Variants in RGS7 observed in about 807,000 individuals in gnomAD.
The protein encoded by RGS7 is regulator of G-protein signaling 7.
RGS7 carries 27 observed loss-of-function variants against 81.1 expected under a neutral mutation model. The ratio of observed to expected loss-of-function variants is 0.33; its 90% confidence interval spans 0.25 to 0.46. The LOEUF (loss-of-function observed/expected upper bound fraction) is 0.46. Among genes scored for constraint, RGS7 ranks in the 20% least tolerant of loss-of-function variants. RGS7 has a pLI of 1.00. For synonymous variants in RGS7, 208 were observed against 207.7 expected (o/e 1.00, Z -0.01); for missense variants, 396 against 607.4 (o/e 0.65, Z 3.66).
intron 2 of RGS7, among the ~76,000 whole-genome samples, chr1:241,240,069 T>C (rs1204120094): frequency 6.6e-6 from 1 of 152,072 alleles, no homozygotes; most frequent in Non-Finnish European, 1.5e-5. Context: ...GGAGGTCAAA[T>C]AGTCCAGTCT....
chr1:241,312,474 C>G (rs916091218), intron 2 of RGS7, among the ~76,000 whole-genome samples: 1 of 152,084 alleles, frequency 6.6e-6, no homozygotes, highest in African/African-American at 2.4e-5. Context: ...GTAATTCTTC[C>G]CACAGTGTTT....
At position 241,088,017 on chromosome 1, in the gene RGS7, TACACACAC is replaced by T. The variant is rs1201357772; in HGVS notation, c.175+10641_175+10648del. ...ATATACACACACACACATATATATA[TACACACAC>T]ACATATATATATACACACATATATA... On this transcript the variant is annotated intron_variant, in intron 3 of 18. Transcript: ENST00000440928. Among the ~76,000 whole-genome samples the T allele has an allele frequency of 5.4e-4, 62 of 115,540 alleles. 1 individual carries two copies. In the Middle Eastern group the frequency reaches 0.013, roughly 25 times the overall value. 75.8% of individuals were successfully genotyped at this position (115,540 alleles called of 152,430 possible). A position where few individuals can be genotyped will look rare whatever the true frequency, so the allele number is the denominator to read the frequency against.
chr1:241,349,368 A>G (rs760034207), intron 2 of RGS7, among the ~76,000 whole-genome samples: 1 of 152,226 alleles, frequency 6.6e-6, no homozygotes, highest in Non-Finnish European at 1.5e-5. Flanking sequence ...TTAGGAACCC[A>G]GCTAATTTCA....
At chr1:241,089,063 C>CTCTCTCTATATATATA (rs1374552672) in intron 3 of RGS7, among the ~76,000 whole-genome samples, 3 of 23,686 alleles carry the variant, frequency 1.3e-4, no homozygotes, top group African/African-American at 2.3e-4. Flanking sequence ...CTCTCTCTCT[C>CTCTCTCTATATATATA]TATATATATA....
Position 241,239,705 on chromosome 1 carries a change from C to T in RGS7, c.78+115994G>A, listed in dbSNP as rs142533244. On this transcript the variant is annotated intron_variant, in intron 2 of 18. Coordinates refer to ENST00000440928, the MANE Select transcript of RGS7 (RefSeq NM_001364886.1). Reference sequence around the variant, plus strand: ...CTCAAGGTTCTCAAGGGAACAGTGGCGACAGCAGCAAACGGGACATGTCAG... The same window carrying T: ...CTCAAGGTTCTCAAGGGAACAGTGGTGACAGCAGCAAACGGGACATGTCAG... 1.2e-3 allele frequency among the ~76,000 whole-genome samples: 182 copies of T among 152,238 alleles called. 1 individual carries two copies. Among genetic ancestry groups the T allele is most frequent in the Non-Finnish European group, 2.2e-3 (149 of 68,020 alleles).
chr1:241,135,005 C>G (rs4570413), intron 2 of RGS7, among the ~76,000 whole-genome samples: 67,144 of 151,822 alleles, frequency 0.44, 18,399 homozygotes, highest in South Asian at 0.63. Flanking sequence ...CGTCCGGGTA[C>G]TACGTAGCAG....
chr1:241,248,322 C>G (rs1398301098), intron 2 of RGS7, among the ~76,000 whole-genome samples: 2 of 148,226 alleles, frequency 1.3e-5, no homozygotes, highest in Non-Finnish European at 3.0e-5. Flanking sequence ...GTGCAGAATC[C>G]TATGGCTGGG....
intron 2 of RGS7, among the ~76,000 whole-genome samples, chr1:241,292,885 C>G (rs2079167059): frequency 6.6e-6 from 1 of 152,188 alleles, no homozygotes; most frequent in South Asian, 2.1e-4. Context: ...ATTTACGACA[C>G]AAATCAGAAG....
chr1:240,879,883 C>G (rs569258919), intron 6 of RGS7, among the ~76,000 whole-genome samples: 55 of 152,154 alleles, frequency 3.6e-4, no homozygotes, highest in African/African-American at 1.2e-3. Flanking sequence ...ATTTTTATCA[C>G]AATTATTTAG....
chr1:241,087,239 A>AT (rs1302286854), intron 3 of RGS7, among the ~76,000 whole-genome samples: 1 of 152,242 alleles, frequency 6.6e-6, no homozygotes, highest in East Asian at 1.9e-4. Context: ...ACAAGGGAGT[A>AT]ATGCCTAGGT....
chr1:241,072,588 C>A (rs115634881), intron 3 of RGS7, among the ~76,000 whole-genome samples: 1 of 152,264 alleles, frequency 6.6e-6, no homozygotes, highest in African/African-American at 2.4e-5. Flanking sequence ...GTGGCTCACT[C>A]CCTGTGATGC....
intron 9 of RGS7, among the ~76,000 whole-genome samples, chr1:240,866,313 C>T (rs1277669664): frequency 6.6e-6 from 1 of 151,868 alleles, no homozygotes; most frequent in African/African-American, 2.4e-5. Context: ...AGATCGAGAT[C>T]ATCCTTGCTA....
At chr1:241,127,277 C>A (rs1241512084) in intron 2 of RGS7, among the ~76,000 whole-genome samples, 1 of 152,086 alleles carries the variant, frequency 6.6e-6, no homozygotes, top group Non-Finnish European at 1.5e-5. Context: ...AGCTCACATA[C>A]AACAATATAA....
In RGS7 at chr1:240,813,131, A is replaced by G. The variant is rs552099345; in HGVS notation, c.956+487T>C. Among the ~76,000 whole-genome samples the G allele has an allele frequency of 7.9e-5, 12 of 152,330 alleles. No homozygotes were observed. The East Asian group carries it at 2.3e-3, about 29-fold the overall frequency. ...AGATAGCTCATGAAAGAAACTATGG[A>G]GTCCTAAGTGGTGCTTTGCTTTTCT... On this transcript the variant is annotated intron_variant, in intron 13 of 18. Coordinates refer to ENST00000440928, the MANE Select transcript of RGS7 (RefSeq NM_001364886.1).
intron 3 of RGS7, among the ~76,000 whole-genome samples, chr1:241,013,933 A>G (rs915027167): frequency 6.6e-6 from 1 of 152,246 alleles, no homozygotes; most frequent in Admixed American, 6.5e-5. Flanking sequence ...TTTCAGTTTG[A>G]TAATGTAATT....
At chr1:240,781,131 T>C (rs943213139) in intron 18 of RGS7, among the ~76,000 whole-genome samples, 4 of 152,144 alleles carry the variant, frequency 2.6e-5, no homozygotes, top group Non-Finnish European at 5.9e-5. Context: ...TGATATGGAC[T>C]TCATTAAAAA....
intron 3 of RGS7, among the ~76,000 whole-genome samples, chr1:240,990,366 A>G (rs567728575): frequency 2.0e-5 from 3 of 152,330 alleles, no homozygotes; most frequent in South Asian, 4.1e-4. Flanking sequence ...CGAATATGTT[A>G]TTCTGCCTTG....
chr1:241,153,380 CATATT>C (rs1413583700), intron 2 of RGS7, among the ~76,000 whole-genome samples: 2 of 151,622 alleles, frequency 1.3e-5, no homozygotes, highest in African/African-American at 4.9e-5. Context: ...ACATGAGAAT[CATATT>C]ATAACACATA....
At chr1:240,827,737 G>GCCTGTAAT (rs1221453548) in intron 9 of RGS7, among the ~76,000 whole-genome samples, 2 of 151,896 alleles carry the variant, frequency 1.3e-5, no homozygotes. Flanking sequence ...GGTGGCGGGT[G>GCCTGTAAT]CCTGTAATCC....
Sources: allele counts gnomAD v4.1 joint callset (sites outside exome capture counted in the v4.1 genomes callset), GRCh38; gene constraint gnomAD v4.1.1; transcripts MANE v1.5; gene names NCBI Gene and HGNC (gene_info 2026-07-23, HGNC 2026-07-21).